FRMD4A: variants seen among roughly 807,000 people sequenced by gnomAD.
FRMD4A encodes the protein FERM domain containing 4A.
FRMD4A carries 29 observed loss-of-function variants against 129.1 expected under a neutral mutation model. The observed-to-expected ratio is 0.22, with a 90% CI of 0.17 to 0.31. The LOEUF (loss-of-function observed/expected upper bound fraction) is 0.31. Ranked by LOEUF, FRMD4A falls within the 10% of genes least tolerant of loss-of-function variation. The pLI, the probability that FRMD4A is intolerant of heterozygous loss-of-function variation, is 1.00. For synonymous variants in FRMD4A, 634 were observed against 571.6 expected (o/e 1.11, Z -1.56); for missense variants, 1,272 against 1,375.8 (o/e 0.92, Z 1.19).
intron 2 of FRMD4A, among the ~76,000 whole-genome samples, chr10:14,322,351 G>A (rs1843093921): frequency 6.6e-6 from 1 of 152,084 alleles, no homozygotes; most frequent in Non-Finnish European, 1.5e-5. Context: ...CTAAGGTTGG[G>A]GAGAAGACCA....
intron 2 of FRMD4A, among the ~76,000 whole-genome samples, chr10:13,917,783 C>T (rs2095026984): frequency 6.6e-6 from 1 of 152,174 alleles, no homozygotes; most frequent in Non-Finnish European, 1.5e-5. Context: ...CAACACCCGG[C>T]AAAGGGGACA....
At chr10:13,873,820 T>G (rs1341624902) in intron 2 of FRMD4A, among the ~76,000 whole-genome samples, 1 of 151,930 alleles carries the variant, frequency 6.6e-6, no homozygotes, top group Non-Finnish European at 1.5e-5. Flanking sequence ...GTGCTGAGAT[T>G]ACAGGCTGAG....
At chr10:13,805,166 T>C (rs1170571878) in intron 4 of FRMD4A, among the ~76,000 whole-genome samples, 2 of 151,928 alleles carry the variant, frequency 1.3e-5, no homozygotes, top group African/African-American at 4.8e-5. Context: ...CTTTAAGAGA[T>C]GGGGTCTTGC....
At chr10:13,845,334 G>A (rs1452658024) in intron 3 of FRMD4A, among the ~76,000 whole-genome samples, 2 of 152,196 alleles carry the variant, frequency 1.3e-5, no homozygotes. Context: ...AGGGGATGAT[G>A]TGTTGGAGAT....
intron 2 of FRMD4A, among the ~76,000 whole-genome samples, chr10:14,042,174 A>G (rs149210956): frequency 3.3e-5 from 5 of 152,306 alleles, no homozygotes; most frequent in Middle Eastern, 3.4e-3. Flanking sequence ...AGCTCCCACC[A>G]TGTAGCCTAA....
chr10:13,815,688 C>T (rs940514106), intron 3 of FRMD4A, among the ~76,000 whole-genome samples: 23 of 152,284 alleles, frequency 1.5e-4, no homozygotes, highest in African/African-American at 5.1e-4. Flanking sequence ...GCCTAAGGAT[C>T]GTGCCTCAAG....
intron 2 of FRMD4A, among the ~76,000 whole-genome samples, chr10:13,954,721 A>G (rs2095398042): frequency 6.6e-6 from 1 of 152,122 alleles, no homozygotes; most frequent in African/African-American, 2.4e-5. Context: ...TGTGTGAGTT[A>G]TTGGGGTCAT....
At chr10:14,158,837 A>AGAG (rs71388159) in intron 2 of FRMD4A, among the ~76,000 whole-genome samples, 5,717 of 137,038 alleles carry the variant, frequency 0.042, 142 homozygotes, top group African/African-American at 0.061. Context: ...AGGAGGAGAA[A>AGAG]GAGGAGGAGG....
intron 2 of FRMD4A, among the ~76,000 whole-genome samples, chr10:14,099,286 G>A (rs552859710): frequency 1.3e-5 from 2 of 152,202 alleles, no homozygotes; most frequent in South Asian, 2.1e-4. Context: ...ACAGTAAAAC[G>A]CTCAATATAG....
intron 2 of FRMD4A, among the ~76,000 whole-genome samples, chr10:14,217,386 G>T (rs1305473250): frequency 6.6e-6 from 1 of 152,172 alleles, no homozygotes; most frequent in Non-Finnish European, 1.5e-5. Flanking sequence ...TTTCATGGTG[G>T]TGAATAAGTC....
chr10:13,927,064 G>T (rs1313131489), intron 2 of FRMD4A, among the ~76,000 whole-genome samples: 1 of 152,110 alleles, frequency 6.6e-6, no homozygotes, highest in Non-Finnish European at 1.5e-5. Flanking sequence ...GACCAGCCTG[G>T]CCAACATGGT....
chr10:14,100,415 T>C (rs1383837784), intron 2 of FRMD4A, among the ~76,000 whole-genome samples: 1 of 152,186 alleles, frequency 6.6e-6, no homozygotes, highest in Non-Finnish European at 1.5e-5. Context: ...ATTCTATCAT[T>C]ATCTGCAAGG....
intron 2 of FRMD4A, among the ~76,000 whole-genome samples, chr10:13,967,540 T>C (rs2095492932): frequency 6.6e-6 from 1 of 152,126 alleles, no homozygotes; most frequent in African/African-American, 2.4e-5. Context: ...AAATAAGAAA[T>C]TTTAAAAAAA....
intron 8 of FRMD4A, among the ~76,000 whole-genome samples, chr10:13,752,553 G>A (rs1001632901): frequency 6.6e-6 from 1 of 152,202 alleles, no homozygotes; most frequent in African/African-American, 2.4e-5. Context: ...AAGAATTCTT[G>A]CTAAAACCAG....
chr10:14,084,053 C>T (rs1836096532), intron 2 of FRMD4A, among the ~76,000 whole-genome samples: 1 of 152,172 alleles, frequency 6.6e-6, no homozygotes, highest in Non-Finnish European at 1.5e-5. Flanking sequence ...GTAATGTGCT[C>T]CAAAAATGGT....
chr10:13,657,693 T>C (rs1209665340), intron 21 of FRMD4A, among the ~76,000 whole-genome samples, 171 bp from the exon 22 acceptor site: 4 of 151,890 alleles, frequency 2.6e-5, no homozygotes, highest in Non-Finnish European at 4.4e-5. Context: ...ATCCGGGAAC[T>C]GCCCATTGCG....
intron 2 of FRMD4A, among the ~76,000 whole-genome samples, chr10:14,220,119 G>A (rs986397516): frequency 5.9e-5 from 9 of 152,148 alleles, no homozygotes; most frequent in Non-Finnish European, 1.0e-4. Context: ...CAGAACTTAC[G>A]TTCTAGTGAT....
At chr10:14,236,959 G>A (rs1381437558) in intron 2 of FRMD4A, among the ~76,000 whole-genome samples, 1 of 97,218 alleles carries the variant, frequency 1.0e-5, no homozygotes, top group Non-Finnish European at 1.9e-5. Context: ...AGATACTGTA[G>A]ATAAATTACC....
intron 2 of FRMD4A, among the ~76,000 whole-genome samples, chr10:13,881,606 A>T (rs898827269): frequency 6.6e-6 from 1 of 152,168 alleles, no homozygotes; most frequent in African/African-American, 2.4e-5. Context: ...AAAAAAGGAG[A>T]AATCACAACG....
Sources: gnomAD v4.1 joint callset for allele counts (sites outside exome capture counted in the v4.1 genomes callset) on GRCh38, gnomAD v4.1.1 for gene constraint, MANE v1.5 for transcripts, NCBI Gene and HGNC (gene_info 2026-07-23, HGNC 2026-07-21) for gene names.